The following LMO3 variants were observed in gnomAD, a reference collection of about 807,000 sequenced individuals.
LMO3 encodes LIM domain only 3, also known as LIM domain only protein 3.
LMO3 carries 2 observed loss-of-function variants against 15.8 expected under a neutral mutation model. The ratio of observed to expected loss-of-function variants is 0.13; its 90% CI spans 0.05 to 0.40. The LOEUF is 0.40. Among genes scored for constraint, LMO3 ranks in the 10% least tolerant of loss-of-function variants. The pLI is 0.99. For missense variants in LMO3, 86 were observed against 182.2 expected (o/e 0.47, Z 3.04); for synonymous variants, 62 against 63.8 (o/e 0.97, Z 0.13).
chr12:16,592,995 G>A (rs542379685), intron 2 of LMO3, among the ~76,000 whole-genome samples: 1 of 151,824 alleles, frequency 6.6e-6, no homozygotes, highest in African/African-American at 2.4e-5. Context: ...CTTGTTGCTT[G>A]TTGGGATCCC....
At position 16,550,212 on chromosome 12, in the gene LMO3, G is replaced by A. The variant is rs1941937524; in HGVS notation, c.*1010C>T. 2 of 152,196 alleles carry A rather than the reference G, an allele frequency of 1.3e-5. No individual in the cohort carries two copies. Among genetic ancestry groups the A allele is most frequent in the South Asian group, 4.1e-4 (2 of 4,824 alleles). The allele number at this position is 152,196 out of a possible 1,614,324, so 9.4% of individuals were successfully genotyped here. ...AGATTCACACTCAAATCTTTTCAGTGTCATACATTTATTAAGCCATAAAGT... is the reference window on the plus strand; with the variant it reads ...AGATTCACACTCAAATCTTTTCAGTATCATACATTTATTAAGCCATAAAGT... On this transcript the variant is annotated 3_prime_UTR_variant, in exon 4 of 4. Transcript: ENST00000537304.
chr12:16,552,259 C>A (rs753500664), intron 3 of LMO3, among the ~76,000 whole-genome samples: 4 of 151,916 alleles, frequency 2.6e-5, no homozygotes, highest in Non-Finnish European at 5.9e-5. Context: ...ACAATTTAAC[C>A]TTCAAATAGT....
chr12:16,594,252 TCTTCAAATG>T lies in LMO3; in HGVS notation c.206+6394_206+6402del. The stretch of plus-strand genomic sequence containing the variant: ...GCATGTATGTATATAGATCCACACC[TCTTCAAATG>T]CTTAACAAGAGGAAGTGCCATGTGT... On this transcript the variant is annotated intron_variant, in intron 2 of 3. Coordinates refer to ENST00000537304, the MANE Select transcript of LMO3 (RefSeq NM_018640.5). 3 of 1,526,738 alleles carry T rather than the reference TCTTCAAATG, an allele frequency of 2.0e-6. No homozygotes were observed. In the African/African-American group the frequency reaches 4.1e-5, roughly 21 times the overall value. 94.6% of individuals were successfully genotyped at this position (1,526,738 alleles called of 1,614,324 possible). A position where few individuals can be genotyped will look rare whatever the true frequency, so the allele number is the denominator to read the frequency against.
At chr12:16,595,323 A>AG in intron 2 of LMO3, among the ~76,000 whole-genome samples, 1 of 151,672 alleles carries the variant, frequency 6.6e-6, no homozygotes, top group African/African-American at 2.4e-5. Flanking sequence ...CTGAAAATGA[A>AG]TGCATTATAG....
Position 16,596,652 on chromosome 12 carries a change from G to T in LMO3, c.206+4003C>A, listed in dbSNP as rs921914131. ...CTCCTAGTTCTATTTAATGCTTGCT[G>T]CAAAACATTAAATAAAAGCATGTAG... On this transcript the variant is annotated intron_variant, in intron 2 of 3. Transcript: ENST00000537304. This position sits in a 1 kb window ranked among gnomAD's most constrained non-coding sequence, Gnocchi z 4.3. Among the ~76,000 whole-genome samples, 5 of 151,592 alleles carry T rather than the reference G, an allele frequency of 3.3e-5. No homozygotes were observed. The highest frequency in any genetic ancestry group is 1.2e-4 in the African/African-American group (5 of 41,354).
chr12:16,578,210 G>A (rs531961007), intron 2 of LMO3, among the ~76,000 whole-genome samples: 4 of 152,198 alleles, frequency 2.6e-5, no homozygotes, highest in African/African-American at 9.6e-5. Flanking sequence ...TGACAGTACT[G>A]CAATTTTCTC....
rs888720393 is a variant in LMO3 at position 16,550,358 on chromosome 12, A to G, written c.*864T>C. 2.6e-5 allele frequency: 4 copies of G among 152,438 alleles called. No homozygotes were observed. Among genetic ancestry groups the G allele is most frequent in the Admixed American group, 6.6e-5 (1 of 15,242 alleles). 9.4% of individuals were successfully genotyped at this position (152,438 alleles called of 1,614,324 possible). On this transcript the variant is annotated 3_prime_UTR_variant, in exon 4 of 4. Transcript: ENST00000537304. Reference sequence around the variant, plus strand: ...CAGATTTTTAAAGTAACCCTTTGGAAAAAATTTTACGTGATACCCAAAGGC... The same window carrying G: ...CAGATTTTTAAAGTAACCCTTTGGAGAAAATTTTACGTGATACCCAAAGGC...
upstream of LMO3, chr12:16,606,877 T>C (rs935564328): frequency 6.6e-6 from 1 of 151,898 alleles, no homozygotes; most frequent in African/African-American, 2.4e-5. Flanking sequence ...AAGGGTAGGG[T>C]TCCTAAAATA....
chr12:16,600,727 C>T lies in LMO3; in HGVS notation c.134G>A (p.Cys45Tyr). The T allele has an allele frequency of 6.2e-7, 1 of 1,614,202 alleles. No homozygotes were observed. The highest frequency in any genetic ancestry group is 8.5e-7 in the Non-Finnish European group (1 of 1,180,016). ...GGTGGAGCCCACCTCTCCCAAGCGACAGTCACAGCAGGCACACTTCAGGCA... is the reference window on the plus strand; with the variant it reads ...GGTGGAGCCCACCTCTCCCAAGCGATAGTCACAGCAGGCACACTTCAGGCA... ...EDCLKCACCD[C>Y]RLGEVGSTLY... is the part of the protein sequence containing the mutation. The change falls in exon 2 of 4, where the codon TGT (cysteine) becomes TAT (tyrosine). Residue 45 changes from cysteine to tyrosine, a missense_variant. By Grantham distance (194) the Cys-to-Tyr change is radical (BLOSUM62 -2). Transcript: ENST00000537304.
intron 2 of LMO3, among the ~76,000 whole-genome samples, chr12:16,590,428 T>C (rs543417302): frequency 6.6e-6 from 1 of 152,208 alleles, no homozygotes; most frequent in South Asian, 2.1e-4. Context: ...AGAGCAAATA[T>C]ATTATTTTAC....
rs1943562385 is a variant in LMO3, at chr12:16,593,726, A to C, written c.206+6929T>G. Among the ~76,000 whole-genome samples, 1 of 151,734 alleles carries C rather than the reference A, an allele frequency of 6.6e-6. No individual in the cohort carries two copies. The highest frequency in any genetic ancestry group is 1.5e-5 in the Non-Finnish European group (1 of 67,734). ...ATTCCTTTAGAGAAAGTTATCCATTAATACTGATAATAAAGGGGGGAAAGG... is the reference window on the plus strand; with the variant it reads ...ATTCCTTTAGAGAAAGTTATCCATTCATACTGATAATAAAGGGGGGAAAGG... On this transcript the variant is annotated intron_variant, in intron 2 of 3. Transcript: ENST00000537304. This position sits in a 1 kb window ranked among gnomAD's most constrained non-coding sequence, Gnocchi z 4.2.
In LMO3 at chr12:16,584,174, A is replaced by C. The variant is rs1943248326; in HGVS notation, c.206+16481T>G. Among the ~76,000 whole-genome samples the C allele has an allele frequency of 6.6e-6, 1 of 152,096 alleles. No homozygotes were observed. The highest frequency in any genetic ancestry group is 2.4e-5 in the African/African-American group (1 of 41,436). ...ACAGCAGTGAGTAGGGGTAAAAGGT[A>C]GTATAATTAGATGTACGAGTTTTGT... On this transcript the variant is annotated intron_variant, in intron 2 of 3. Transcript: ENST00000537304. The surrounding 1 kb of genome is among the most constrained non-coding windows in gnomAD (Gnocchi z 5.2).
chr12:16,581,143 T>A (rs1207641842), intron 2 of LMO3, among the ~76,000 whole-genome samples: 1 of 152,166 alleles, frequency 6.6e-6, no homozygotes, highest in East Asian at 1.9e-4. Context: ...TTTGAATGAT[T>A]GAAAATTCAA....
In LMO3 at chr12:16,584,869, C is replaced by G. The variant is rs1310211203; in HGVS notation, c.206+15786G>C. 6.6e-6 allele frequency among the ~76,000 whole-genome samples: 1 copy of G among 152,110 alleles called. No homozygotes were observed. The highest frequency in any genetic ancestry group is 6.5e-5 in the Admixed American group (1 of 15,268). ...GGCTCTGATCCTCTCTTCAAGAATT[C>G]AGGATGCGAGGAAATATTTTCAAAC... On this transcript the variant is annotated intron_variant, in intron 2 of 3. Coordinates refer to ENST00000537304, the MANE Select transcript of LMO3 (RefSeq NM_018640.5). This position sits in a 1 kb window ranked among gnomAD's most constrained non-coding sequence, Gnocchi z 5.2.
In LMO3 at chr12:16,600,399, T is replaced by A. The variant is rs1367411595; in HGVS notation, c.206+256A>T. On this transcript the variant is annotated intron_variant, in intron 2 of 3. Coordinates refer to ENST00000537304, the MANE Select transcript of LMO3 (RefSeq NM_018640.5). Reference sequence around the variant, plus strand: ...TTGACATTAACTGGCAGTTTCAACATAGGCAGCGCCATAACCAACTGCCTG... The same window carrying A: ...TTGACATTAACTGGCAGTTTCAACAAAGGCAGCGCCATAACCAACTGCCTG... 8 of 342,624 alleles carry A rather than the reference T, an allele frequency of 2.3e-5. No homozygotes were observed. The East Asian group carries it at 4.1e-4, about 18-fold the overall frequency. 21.2% of individuals were successfully genotyped at this position (342,624 alleles called of 1,614,324 possible).
At chr12:16,590,781 G>T (rs780432517) in intron 2 of LMO3, among the ~76,000 whole-genome samples, 1 of 152,078 alleles carries the variant, frequency 6.6e-6, no homozygotes, top group Non-Finnish European at 1.5e-5. Context: ...ATAGACGAAT[G>T]TAGATGCATC....
chr12:16,600,590 A>G, intron 2 of LMO3, 65 bp downstream of exon 2: 1 of 1,406,700 alleles, frequency 7.1e-7, no homozygotes, highest in Non-Finnish European at 1.0e-6. Context: ...GCAAACAAAA[A>G]ATACACTTAC....
At chr12:16,605,840 C>CAATG (rs1943977850) in intron 1 of LMO3, 1 of 1,534,584 alleles carries the variant, frequency 6.5e-7, no homozygotes, top group Non-Finnish European at 8.7e-7. Flanking sequence ...TTTCATGTCT[C>CAATG]ATCATAAAAA....
intron 2 of LMO3, chr12:16,594,262 C>CTTAA: frequency 6.6e-7 from 1 of 1,525,210 alleles, no homozygotes; most frequent in South Asian, 1.2e-5. Context: ...TCTTCAAATG[C>CTTAA]TTAACAAGAG....
Sources: gnomAD v4.1 joint callset for allele counts (sites outside exome capture counted in the v4.1 genomes callset) on GRCh38, gnomAD v4.1.1 for gene constraint, Gnocchi (gnomAD v3.1) non-coding constraint, MANE v1.5 for transcripts, NCBI Gene and HGNC (gene_info 2026-07-23, HGNC 2026-07-21) for gene names.